The following ITGAE variants were observed in gnomAD, a reference collection of about 807,000 sequenced individuals.
ITGAE encodes the protein integrin subunit alpha E, also known as integrin alpha-E.
A neutral mutation model predicts 136.5 loss-of-function variants in ITGAE; 99 were observed. The ratio of observed to expected loss-of-function variants is 0.73; its 90% CI spans 0.62 to 0.86. The LOEUF is 0.86. Ranked by LOEUF, ITGAE falls within the 40% of genes least tolerant of loss-of-function variation. ITGAE has a pLI of 0.00. For missense variants in ITGAE, 1,447 were observed against 1,515.3 expected, an observed-to-expected ratio of 0.95 and a Z score of 0.75; for synonymous variants, 613 against 591.8, an observed-to-expected ratio of 1.04 and a Z score of -0.52.
intron 30 of ITGAE, among the ~76,000 whole-genome samples, chr17:3,715,776 C>A (rs1459219075): frequency 1.3e-5 from 2 of 152,012 alleles, no homozygotes; most frequent in Non-Finnish European, 1.5e-5. Context: ...ATGGGAGGAT[C>A]ACCTGAGCCT....
chr17:3,748,227 A>G (rs1015503342), intron 16 of ITGAE, among the ~76,000 whole-genome samples, 175 bp from the exon 17 acceptor site: 2 of 152,206 alleles, frequency 1.3e-5, no homozygotes, highest in Non-Finnish European at 2.9e-5. Flanking sequence ...GTGGGAAAGC[A>G]GACAACAAGC....
intron 1 of ITGAE, among the ~76,000 whole-genome samples, chr17:3,786,258 A>C (rs947114701): frequency 1.3e-5 from 2 of 152,218 alleles, no homozygotes; most frequent in South Asian, 2.1e-4. Flanking sequence ...AATTCCTTGA[A>C]ATAGAAATGC....
intron 30 of ITGAE, among the ~76,000 whole-genome samples, chr17:3,715,447 G>A (rs1313723192): frequency 1.3e-5 from 2 of 152,156 alleles, no homozygotes; most frequent in Non-Finnish European, 1.5e-5. Context: ...TCTCTAGACC[G>A]CTTTCAGGGA....
intron 17 of ITGAE, 32 bp downstream of exon 17, chr17:3,747,890 C>A: frequency 6.9e-7 from 1 of 1,450,116 alleles, no homozygotes; most frequent in Non-Finnish European, 9.3e-7. Context: ...GACCATCACA[C>A]CAGGCAGGGG....
chr17:3,749,598 C>T (rs776510620), intron 16 of ITGAE, among the ~76,000 whole-genome samples: 7 of 152,142 alleles, frequency 4.6e-5, no homozygotes, highest in Non-Finnish European at 1.0e-4. Flanking sequence ...CTGTGAGCAG[C>T]AGCTCAGGGA....
chr17:3,728,882 A>T (rs1293135112), intron 24 of ITGAE, among the ~76,000 whole-genome samples: 2 of 151,608 alleles, frequency 1.3e-5, no homozygotes, highest in Non-Finnish European at 2.9e-5. Flanking sequence ...AAAATTTTTT[A>T]AAAATTAGCT....
chr17:3,776,434 C>G (rs551330678), intron 2 of ITGAE, among the ~76,000 whole-genome samples: 9 of 152,296 alleles, frequency 5.9e-5, no homozygotes, highest in East Asian at 3.9e-4. Context: ...TAGTTCCCCA[C>G]GCTGACTGCA....
chr17:3,723,947 G>A, intron 26 of ITGAE: 2 of 1,554,268 alleles, frequency 1.3e-6, no homozygotes, highest in Admixed American at 1.9e-5. Context: ...TGGCGGCTTC[G>A]CTCCCGGGAC....
At chr17:3,756,217 T>G (rs1372125506) in intron 10 of ITGAE, among the ~76,000 whole-genome samples, 1 of 133,994 alleles carries the variant, frequency 7.5e-6, no homozygotes, top group Non-Finnish European at 1.5e-5. Context: ...CTGGGGATAT[T>G]GTTGGCCTTT....
In ITGAE at chr17:3,714,779, A is replaced by G. The variant is rs2050911896; in HGVS notation, c.*68T>C. The G allele has an allele frequency of 1.8e-5, 15 of 854,758 alleles. 1 individual carries two copies. Among genetic ancestry groups the G allele is most frequent in the Non-Finnish European group, 7.8e-6 (4 of 513,080 alleles). The allele number at this position is 854,758 out of a possible 1,614,324, so 52.9% of individuals were successfully genotyped here. On this transcript the variant is annotated 3_prime_UTR_variant, in exon 31 of 31. Coordinates refer to ENST00000263087, the MANE Select transcript of ITGAE (RefSeq NM_002208.5). Reference sequence around the variant, plus strand: ...TCTAGATCATCCTGAAGGAAAAAGTAATGCAAAGGATGCTGGGTCTCCAAG... The same window carrying G: ...TCTAGATCATCCTGAAGGAAAAAGTGATGCAAAGGATGCTGGGTCTCCAAG...
chr17:3,792,418 GATATCT>G (rs1286404435), intron 1 of ITGAE, among the ~76,000 whole-genome samples: 1 of 152,138 alleles, frequency 6.6e-6, no homozygotes, highest in African/African-American at 2.4e-5. Flanking sequence ...CGCCCGGCCT[GATATCT>G]ATATTTTATT....
intron 22 of ITGAE, among the ~76,000 whole-genome samples, chr17:3,732,099 T>G (rs985189156): frequency 2.0e-5 from 2 of 100,994 alleles, no homozygotes; most frequent in African/African-American, 6.8e-5. Context: ...CAAAAAAACT[T>G]TTTGTCTGAC....
chr17:3,782,203 A>T (rs1443056501), intron 1 of ITGAE, among the ~76,000 whole-genome samples: 1 of 135,442 alleles, frequency 7.4e-6, no homozygotes, highest in East Asian at 2.6e-4. Context: ...TGAACCTGGG[A>T]GGCACAGGTT....
At chr17:3,800,764 T>C (rs2053236925) in intron 1 of ITGAE, among the ~76,000 whole-genome samples, 1 of 151,910 alleles carries the variant, frequency 6.6e-6, no homozygotes, top group Admixed American at 6.6e-5. Flanking sequence ...GCCTCCACAC[T>C]CAGAGAACAA....
Position 3,740,859 on chromosome 17 carries a change from G to C in ITGAE, c.2449-981C>G, listed in dbSNP as rs536134294. 2.0e-5 allele frequency among the ~76,000 whole-genome samples: 3 copies of C among 152,246 alleles called. No homozygotes were observed. The East Asian group carries it at 5.8e-4, about 29-fold the overall frequency. Reference sequence around the variant, plus strand: ...ATGAAGGAAGGCAGCCAGCTCCTCGGCTGGAGAGCCTCTGCACTTCGCACT... The same window carrying C: ...ATGAAGGAAGGCAGCCAGCTCCTCGCCTGGAGAGCCTCTGCACTTCGCACT... On this transcript the variant is annotated intron_variant, in intron 19 of 30. Coordinates refer to ENST00000263087, the MANE Select transcript of ITGAE (RefSeq NM_002208.5).
At chr17:3,785,492 GAAGGAGGAAGGAAGGAAGGA>G (rs1421554491) in intron 1 of ITGAE, among the ~76,000 whole-genome samples, 24 of 134,980 alleles carry the variant, frequency 1.8e-4, no homozygotes, top group African/African-American at 6.5e-4. Context: ...AGGAAGGAAG[GAAGGAGGAAGGAAGGAAGGA>G]AGGAAGGAAG....
At position 3,760,285 on chromosome 17, in the gene ITGAE, T is replaced by C. The variant is rs2052133887; in HGVS notation, c.601A>G (p.Thr201Ala). 1 of 1,608,142 alleles carries C rather than the reference T, an allele frequency of 6.2e-7. No individual in the cohort carries two copies. The highest frequency in any genetic ancestry group is 1.1e-5 in the South Asian group (1 of 90,848). ...EEDEEEEEAGTEIAIILDGSG... is the reference protein window; with the variant it reads ...EEDEEEEEAGAEIAIILDGSG... ...CCATCCAGGATGATGGCAATCTCGG[T>C]GCCTGGCCAAGACAAACAGGTCAGG... The change falls in exon 7 of 31, where the codon ACC becomes GCC. Residue 201 changes from threonine (T) to alanine (A), a missense_variant and splice_region_variant. Physicochemically the swap from Thr to Ala is moderately conservative, Grantham distance 58. This residue lies in a region of ITGAE where 310 missense variants were observed against 416.1 expected (regional missense o/e 0.74). Coordinates refer to ENST00000263087, the MANE Select transcript of ITGAE (RefSeq NM_002208.5).
chr17:3,730,614 C>T, intron 23 of ITGAE: 1 of 171,512 alleles, frequency 5.8e-6, no homozygotes, highest in Non-Finnish European at 1.3e-5. Flanking sequence ...GGGGGCTGTC[C>T]TGTACTGCTC....
intron 2 of ITGAE, among the ~76,000 whole-genome samples, chr17:3,773,451 T>A (rs2052473232): frequency 6.6e-6 from 1 of 150,558 alleles, no homozygotes; most frequent in African/African-American, 2.5e-5. Flanking sequence ...GCCACCACAC[T>A]CCAGCCTGGG....
Sources: gnomAD v4.1 joint callset for allele counts (sites outside exome capture counted in the v4.1 genomes callset) on GRCh38, gnomAD v4.1.1 for gene constraint, gnomAD v4.1.1 regional missense constraint, MANE v1.5 for transcripts, NCBI Gene and HGNC (gene_info 2026-07-23, HGNC 2026-07-21) for gene names.